CACNB2: variants seen among roughly 807,000 people sequenced by gnomAD.
CACNB2 encodes calcium voltage-gated channel auxiliary subunit beta 2, also known as voltage-dependent L-type calcium channel subunit beta-2.
Under a neutral mutation model 73.3 loss-of-function variants are expected in CACNB2, and 42 were observed. That is an observed-to-expected ratio of 0.57 (90% confidence interval 0.45 to 0.74). CACNB2 has a LOEUF of 0.74. Ranked by LOEUF, CACNB2 falls within the 30% of genes least tolerant of loss-of-function variation. The pLI is 0.00. For missense variants in CACNB2, 940 were observed against 853.0 expected (o/e 1.10, Z -1.27); for synonymous variants, 348 against 310.3 (o/e 1.12, Z -1.28).
chr10:18,302,854 A>G (rs1367495318), intron 2 of CACNB2, among the ~76,000 whole-genome samples: 1 of 152,194 alleles, frequency 6.6e-6, no homozygotes, highest in Non-Finnish European at 1.5e-5. Flanking sequence ...ACCTATGGAA[A>G]TAAAAAATAA....
chr10:18,389,710 G>A (rs767167755), intron 2 of CACNB2, among the ~76,000 whole-genome samples: 1 of 152,188 alleles, frequency 6.6e-6, no homozygotes, highest in African/African-American at 2.4e-5. Flanking sequence ...AAAGTAAATT[G>A]TCTTCCCAAA....
At chr10:18,157,317 A>G (rs747203905) in intron 2 of CACNB2, among the ~76,000 whole-genome samples, 20 of 152,176 alleles carry the variant, frequency 1.3e-4, no homozygotes, top group Non-Finnish European at 2.9e-4. Context: ...TGGCTTTGCT[A>G]TTTATTAGTT....
At chr10:18,370,520 G>A (rs534735658) in intron 2 of CACNB2, among the ~76,000 whole-genome samples, 6 of 152,236 alleles carry the variant, frequency 3.9e-5, no homozygotes, top group South Asian at 2.1e-4. Context: ...GGCTGGTCTC[G>A]AACTCCTAGA....
intron 2 of CACNB2, among the ~76,000 whole-genome samples, chr10:18,188,344 T>A (rs1221718619): frequency 6.6e-6 from 1 of 152,042 alleles, no homozygotes; most frequent in African/African-American, 2.4e-5. Flanking sequence ...AGAGTCCCAC[T>A]CTGTTGTGCA....
intron 2 of CACNB2, among the ~76,000 whole-genome samples, chr10:18,183,594 T>C (rs2033998261): frequency 1.3e-5 from 2 of 152,102 alleles, no homozygotes; most frequent in South Asian, 4.1e-4. Flanking sequence ...AACCATCAGA[T>C]CTGGTGAGAC....
intron 3 of CACNB2, among the ~76,000 whole-genome samples, chr10:18,463,970 C>T (rs890147215): frequency 1.3e-5 from 2 of 152,068 alleles, no homozygotes; most frequent in Non-Finnish European, 2.9e-5. Context: ...GATATTCCTC[C>T]CACAGCTCTA....
rs552730321 is a variant in CACNB2 at position 18,320,139 on chromosome 10, T to C, written c.214-81785T>C. ...ACCTGTCAGCTCCTCCATAAACTGA[T>C]ATCTCACCAGTTCGAATTAATTTCC... On this transcript the variant is annotated intron_variant, in intron 2 of 13. Transcript: ENST00000324631. Among the ~76,000 whole-genome samples the C allele has an allele frequency of 5.3e-5, 8 of 152,210 alleles. No homozygotes were observed. In the South Asian group the frequency reaches 1.2e-3, roughly 24 times the overall value.
intron 9 of CACNB2, among the ~76,000 whole-genome samples, chr10:18,523,707 C>T (rs916978870): frequency 2.6e-5 from 4 of 152,100 alleles, no homozygotes. Context: ...ACTGTCTTTG[C>T]TTTTGGCAAG....
intron 9 of CACNB2, among the ~76,000 whole-genome samples, chr10:18,527,363 C>A (rs764278643): frequency 6.0e-5 from 9 of 149,368 alleles, no homozygotes; most frequent in Non-Finnish European, 8.9e-5. Context: ...GCAGCCTGGG[C>A]GAGACTCTGT....
intron 1 of CACNB2, among the ~76,000 whole-genome samples, chr10:18,142,311 T>TTTA (rs2030498223): frequency 6.6e-6 from 1 of 152,230 alleles, no homozygotes; most frequent in Non-Finnish European, 1.5e-5. Context: ...TAGATTTTGG[T>TTTA]CCACCCTGGG....
At chr10:18,272,402 A>C (rs981092980) in intron 2 of CACNB2, among the ~76,000 whole-genome samples, 1 of 152,164 alleles carries the variant, frequency 6.6e-6, no homozygotes, top group Non-Finnish European at 1.5e-5. Flanking sequence ...ATTACCCTCC[A>C]AAAAACTTCA....
intron 2 of CACNB2, among the ~76,000 whole-genome samples, chr10:18,277,460 C>T (rs2482098): frequency 0.19 from 29,412 of 152,132 alleles, 3,109 homozygotes; most frequent in South Asian, 0.29. Flanking sequence ...TGTTCTTTTC[C>T]GCCAAGTGGC....
At chr10:18,503,805 AG>A (rs141861796) in intron 5 of CACNB2, among the ~76,000 whole-genome samples, 1 of 152,320 alleles carries the variant, frequency 6.6e-6, no homozygotes, top group Non-Finnish European at 1.5e-5. Flanking sequence ...AATTAAGGAT[AG>A]TTCTAGGTAA....
chr10:18,395,955 G>T (rs2043693823), intron 2 of CACNB2, among the ~76,000 whole-genome samples: 1 of 152,078 alleles, frequency 6.6e-6, no homozygotes, highest in Admixed American at 6.6e-5. Context: ...CATAGTTGAT[G>T]ATTTTATTGT....
chr10:18,458,945 T>C (rs111399237), intron 3 of CACNB2, among the ~76,000 whole-genome samples: 10,880 of 150,962 alleles, frequency 0.072, 582 homozygotes, highest in South Asian at 0.16. Flanking sequence ...TTTGCATTTT[T>C]GTAGAGATGG....
At chr10:18,442,292 G>A (rs962596967) in intron 3 of CACNB2, among the ~76,000 whole-genome samples, 14 of 151,956 alleles carry the variant, frequency 9.2e-5, no homozygotes, top group Non-Finnish European at 1.9e-4. Flanking sequence ...TGGGATTACA[G>A]GTGCCTGCAA....
intron 2 of CACNB2, among the ~76,000 whole-genome samples, chr10:18,229,689 C>A (rs1343513485): frequency 6.6e-6 from 1 of 151,804 alleles, no homozygotes; most frequent in Non-Finnish European, 1.5e-5. Context: ...AAACACTCTT[C>A]TATGGTAAAC....
At chr10:18,416,691 C>G (rs570463259) in intron 3 of CACNB2, among the ~76,000 whole-genome samples, 1 of 152,278 alleles carries the variant, frequency 6.6e-6, no homozygotes, top group African/African-American at 2.4e-5. Context: ...TTTAAATCTT[C>G]AACTTTTTTT....
intron 9 of CACNB2, 66 bp from the exon 10 acceptor site, chr10:18,527,522 T>C (rs2052598198): frequency 3.0e-6 from 3 of 989,420 alleles, no homozygotes; most frequent in East Asian, 4.7e-5. Flanking sequence ...ATTTGGGGCA[T>C]ACACTTCTAT....
Sources: gnomAD v4.1 joint callset for allele counts (sites outside exome capture counted in the v4.1 genomes callset) on GRCh38, gnomAD v4.1.1 for gene constraint, MANE v1.5 for transcripts, NCBI Gene and HGNC (gene_info 2026-07-23, HGNC 2026-07-21) for gene names.